The following CCNY variants were observed in gnomAD, a reference collection of about 807,000 sequenced individuals.
CCNY encodes the protein cyclin-Y.
A neutral mutation model predicts 42.8 loss-of-function variants in CCNY; 19 were observed. That is an observed-to-expected ratio of 0.44 (90% CI 0.31 to 0.65). The LOEUF is 0.65. Ranked by LOEUF, CCNY falls within the 30% of genes least tolerant of loss-of-function variation. CCNY has a pLI of 0.07. For missense variants in CCNY, 370 were observed against 437.3 expected (o/e 0.85, Z 1.37); for synonymous variants, 165 against 162.7 (o/e 1.01, Z -0.11).
At chr10:35,299,435 T>G (rs1017378448) in intron 3 of CCNY, among the ~76,000 whole-genome samples, 2 of 152,232 alleles carry the variant, frequency 1.3e-5, no homozygotes, top group African/African-American at 4.8e-5. Context: ...CTTCAAGTCT[T>G]TTGAAGTTCT....
At chr10:35,299,252 G>A (rs1451617801) in intron 3 of CCNY, among the ~76,000 whole-genome samples, 4 of 152,196 alleles carry the variant, frequency 2.6e-5, no homozygotes, top group African/African-American at 7.2e-5. Context: ...ATTGCAGGGT[G>A]GAGCGTTCTG....
At chr10:35,340,207 T>C (rs1836145566) in intron 1 of CCNY, among the ~76,000 whole-genome samples, 1 of 152,158 alleles carries the variant, frequency 6.6e-6, no homozygotes, top group African/African-American at 2.4e-5. Context: ...ATGGAAACTT[T>C]CCATTGTTGC....
chr10:35,411,943 A>G (rs895547664), intron 1 of CCNY, among the ~76,000 whole-genome samples: 1 of 152,202 alleles, frequency 6.6e-6, no homozygotes, highest in South Asian at 2.1e-4. Context: ...TCTTGCTCAT[A>G]TCATGGGAAG....
intron 1 of CCNY, among the ~76,000 whole-genome samples, chr10:35,373,142 A>G (rs527981784): frequency 8.5e-5 from 13 of 152,354 alleles, no homozygotes; most frequent in Non-Finnish European, 1.5e-4. Flanking sequence ...TGAGTCAGGC[A>G]GTCTTGAGTT....
At chr10:35,337,395 C>G (rs1017721624) in intron 1 of CCNY, among the ~76,000 whole-genome samples, 188 bp downstream of exon 1, 2 of 152,196 alleles carry the variant, frequency 1.3e-5, no homozygotes, top group African/African-American at 4.8e-5. Context: ...CTGGTTACCC[C>G]CAAGTGAGCG....
At chr10:35,364,732 T>A (rs185269893) in intron 1 of CCNY, among the ~76,000 whole-genome samples, 3 of 152,226 alleles carry the variant, frequency 2.0e-5, no homozygotes, top group African/African-American at 7.2e-5. Context: ...AGTGTTTTTT[T>A]CAGAAGTTTG....
intron 5 of CCNY, 32 bp from the exon 6 acceptor site, chr10:35,529,937 AAAGT>A (rs1204884519): frequency 1.3e-6 from 2 of 1,551,974 alleles, no homozygotes; most frequent in Non-Finnish European, 1.8e-6. Context: ...ATTCTTGCAG[AAAGT>A]AAGTTTCATT....
chr10:35,453,048 C>T (rs1338561004), intron 1 of CCNY, among the ~76,000 whole-genome samples: 1 of 152,148 alleles, frequency 6.6e-6, no homozygotes, highest in Non-Finnish European at 1.5e-5. Flanking sequence ...AATCATCGTT[C>T]ACTGTAACTT....
chr10:35,307,359 C>T (rs911628618), intron 3 of CCNY, among the ~76,000 whole-genome samples: 14 of 152,174 alleles, frequency 9.2e-5, no homozygotes, highest in African/African-American at 2.7e-4. Context: ...GCGGCTCACG[C>T]GCATAAACGC....
chr10:35,468,427 CTA>C (rs533756411), intron 1 of CCNY, among the ~76,000 whole-genome samples: 47 of 152,272 alleles, frequency 3.1e-4, no homozygotes, highest in East Asian at 2.3e-3. Context: ...GTGTGTGTCT[CTA>C]TGTGAATCCT....
At chr10:35,291,528 CTTTTTTTT>C (rs71523373) in intron 3 of CCNY, among the ~76,000 whole-genome samples, 3 of 109,326 alleles carry the variant, frequency 2.7e-5, no homozygotes, top group Non-Finnish European at 5.5e-5. Flanking sequence ...GTACGACTTC[CTTTTTTTT>C]TTTTTTTTTT....
chr10:35,532,601 A>G (rs1333314877), intron 7 of CCNY, among the ~76,000 whole-genome samples: 2 of 152,264 alleles, frequency 1.3e-5, no homozygotes, highest in Non-Finnish European at 2.9e-5. Context: ...GGATACTGCC[A>G]CATGAGGAAA....
intron 7 of CCNY, among the ~76,000 whole-genome samples, chr10:35,542,406 T>C (rs1255881918): frequency 1.3e-5 from 2 of 151,942 alleles, no homozygotes; most frequent in African/African-American, 4.8e-5. Context: ...CTGGCTGAGG[T>C]TGTGTTTGTC....
chr10:35,322,063 A>G (rs953081952), intron 3 of CCNY, among the ~76,000 whole-genome samples: 10 of 152,230 alleles, frequency 6.6e-5, no homozygotes, highest in African/African-American at 2.4e-4. Flanking sequence ...TAAGCTTAAA[A>G]GGTAAAACTT....
At chr10:35,416,303 T>A (rs1838024512) in intron 1 of CCNY, among the ~76,000 whole-genome samples, 1 of 152,118 alleles carries the variant, frequency 6.6e-6, no homozygotes, top group Non-Finnish European at 1.5e-5. Context: ...CAGCACTCTT[T>A]ATTTAAAGTG....
chr10:35,343,000 C>CT lies in CCNY; in HGVS notation c.154+5813dup, dbSNP rs112760907. Among the ~76,000 whole-genome samples the CT allele has an allele frequency of 8.5e-3, 1,085 of 128,330 alleles. 14 individuals carry two copies. The highest frequency in any genetic ancestry group is 0.02 in the African/African-American group (692 of 34,970). 84.2% of individuals were successfully genotyped at this position (128,330 alleles called of 152,430 possible). ...TAAGGACTTTTACTTTCCTGCCTGC[C>CT]TTTTTTTTTTTTTTTTTTTTAAGAC... On this transcript the variant is annotated intron_variant, in intron 1 of 9. Transcript: ENST00000374704.
At chr10:35,561,718 T>C (rs922195830) in intron 8 of CCNY, among the ~76,000 whole-genome samples, 3 of 152,248 alleles carry the variant, frequency 2.0e-5, no homozygotes, top group Non-Finnish European at 2.9e-5. Flanking sequence ...TCAAGAATTA[T>C]CCAACAGTGA....
intron 2 of CCNY, among the ~76,000 whole-genome samples, chr10:35,491,568 T>C (rs1166128979): frequency 6.6e-6 from 1 of 152,190 alleles, no homozygotes; most frequent in African/African-American, 2.4e-5. Context: ...AAATCAGAAG[T>C]CAGCGTCTTT....
intron 3 of CCNY, among the ~76,000 whole-genome samples, chr10:35,258,398 CT>C (rs1393199851): frequency 6.6e-6 from 1 of 152,116 alleles, no homozygotes; most frequent in Non-Finnish European, 1.5e-5. Flanking sequence ...CTATCCCAGA[CT>C]TTAGTATCTG....
Sources: allele counts gnomAD v4.1 joint callset (sites outside exome capture counted in the v4.1 genomes callset), GRCh38; gene constraint gnomAD v4.1.1; transcripts MANE v1.5; gene names NCBI Gene and HGNC (gene_info 2026-07-23, HGNC 2026-07-21).